Variants in ZNF540 observed in about 807,000 individuals in gnomAD.
ZNF540 encodes zinc finger protein 540, also known as CTD-3064H18.6.
A neutral mutation model predicts 11.8 loss-of-function variants in ZNF540; 3 were observed. That is an observed-to-expected ratio of 0.25 (90% CI 0.12 to 0.65). The LOEUF is 0.65. ZNF540 is among the 30% of genes least tolerant of loss of function. The pLI is 0.83. For missense variants in ZNF540, 709 were observed against 793.1 expected, an observed-to-expected ratio of 0.89 and a Z score of 1.27; for synonymous variants, 247 against 259.0, an observed-to-expected ratio of 0.95 and a Z score of 0.45.
At chr19:37,604,679 CTGTT>C (rs1448850193) in intron 4 of ZNF540, among the ~76,000 whole-genome samples, 1 of 152,058 alleles carries the variant, frequency 6.6e-6, no homozygotes, top group Admixed American at 6.5e-5. Flanking sequence ...TTAATTGTAT[CTGTT>C]TAATTATTTT....
chr19:37,555,927 GC>G (rs1568334107), intron 1 of ZNF540: 2 of 700,824 alleles, frequency 2.9e-6, no homozygotes, highest in Non-Finnish European at 5.2e-6. Context: ...AGAGTAGGTG[GC>G]TAAAGTTACA....
Position 37,613,418 on chromosome 19 carries a change from A to G in ZNF540, c.*155A>G. The G allele has an allele frequency of 3.8e-6, 2 of 529,060 alleles. No homozygotes were observed. The highest frequency in any genetic ancestry group is 5.7e-5 in the South Asian group (1 of 17,410). The allele number at this position is 529,060 out of a possible 1,614,324, so 32.8% of individuals were successfully genotyped here. A position where few individuals can be genotyped will look rare whatever the true frequency, so the allele number is the denominator to read the frequency against. On this transcript the variant is annotated 3_prime_UTR_variant, in exon 5 of 5. Coordinates refer to ENST00000316433, the MANE Select transcript of ZNF540 (RefSeq NM_001172225.3). The stretch of plus-strand genomic sequence containing the variant: ...CTTAGTTCTCATTAAATTTAGGAAA[A>G]TTCACACTAGAAAATAAAGCTGTTA...
intron 1 of ZNF540, among the ~76,000 whole-genome samples, chr19:37,575,220 A>G (rs2043203016): frequency 6.6e-6 from 1 of 152,188 alleles, no homozygotes. Context: ...TTATGGATGC[A>G]TTATGTGCTT....
chr19:37,608,216 G>A (rs1411875641), intron 4 of ZNF540, among the ~76,000 whole-genome samples: 1 of 152,014 alleles, frequency 6.6e-6, no homozygotes, highest in Non-Finnish European at 1.5e-5. Flanking sequence ...TTGGATATCT[G>A]TTCTGTTTCC....
intron 1 of ZNF540, among the ~76,000 whole-genome samples, chr19:37,588,164 A>C (rs2147207851): frequency 6.6e-6 from 1 of 151,540 alleles, no homozygotes; most frequent in Non-Finnish European, 1.5e-5. Flanking sequence ...AAAATGATAT[A>C]AAGATGTTAA....
intron 1 of ZNF540, among the ~76,000 whole-genome samples, chr19:37,553,737 G>C (rs909007605): frequency 2.0e-5 from 3 of 149,658 alleles, no homozygotes; most frequent in African/African-American, 7.4e-5. Context: ...TATTTGCTGG[G>C]ATCTCACACA....
chr19:37,612,665 CT>C lies in ZNF540; in HGVS notation c.1386del (p.Gly463ValfsTer2), dbSNP rs2044141449. 1 of 1,614,114 alleles carries C rather than the reference CT, an allele frequency of 6.2e-7. No individual in the cohort carries two copies. The highest frequency in any genetic ancestry group is 1.3e-5 in the African/African-American group (1 of 75,034). ...CTTACTGAACATCAGAGACTTCATA[CT>C]GGTGTGAAGCCCTACGAATGTAAGG... ...SVLTEHQRLH[T>X]GVKPYECKEC... On this transcript the variant is annotated frameshift_variant, in exon 5 of 5. Transcript: ENST00000316433. LOFTEE classifies it low-confidence loss of function (END_TRUNC).
chr19:37,601,069 G>C lies in ZNF540; in HGVS notation c.196G>C (p.Val66Leu), dbSNP rs147136103. Residue 66 changes from valine to leucine, a missense_variant, in exon 4 of 5, where the codon GTG becomes CTG. Physicochemically the swap from Val to Leu is conservative, Grantham distance 32 (BLOSUM62 1). Coordinates refer to ENST00000316433, the MANE Select transcript of ZNF540 (RefSeq NM_001172225.3). ...TLLEQGKEPC[V>L]VARDVTGRQC... ...ACTGGAGCAAGGGAAAGAGCCCTGC[G>C]TGGTGGCGAGGGATGTGACAGGAAG... 5.0e-6 allele frequency: 8 copies of C among 1,588,950 alleles called. No individual in the cohort carries two copies. Among genetic ancestry groups the C allele is most frequent in the Non-Finnish European group, 6.9e-6 (8 of 1,167,580 alleles).
intron 1 of ZNF540, chr19:37,586,673 G>T (rs753184061): frequency 6.2e-7 from 1 of 1,614,098 alleles, no homozygotes; most frequent in Admixed American, 1.7e-5. Context: ...CTCACGTGGG[G>T]CATGGTTTTT....
chr19:37,560,913 G>T (rs1568335889), intron 1 of ZNF540: 1 of 151,798 alleles, frequency 6.6e-6, no homozygotes, highest in African/African-American at 2.4e-5. Context: ...AAACAATCTT[G>T]TAACAACAGA....
upstream of ZNF540, among the ~76,000 whole-genome samples, chr19:37,593,284 TAC>T (rs1291447261): frequency 6.6e-6 from 1 of 152,234 alleles, no homozygotes; most frequent in Non-Finnish European, 1.5e-5. Flanking sequence ...TGTTTTTAAT[TAC>T]AGCTAGGTGT....
intron 4 of ZNF540, among the ~76,000 whole-genome samples, chr19:37,609,410 G>A (rs1276563870): frequency 1.3e-5 from 2 of 151,862 alleles, no homozygotes; most frequent in Non-Finnish European, 2.9e-5. Context: ...CAGGCGTGGT[G>A]GTGGGTGCCT....
At chr19:37,565,598 T>C in intron 1 of ZNF540, 2 of 1,613,446 alleles carry the variant, frequency 1.2e-6, no homozygotes, top group Non-Finnish European at 8.5e-7. Flanking sequence ...TTCATAGGGT[T>C]TTTCACCACT....
intron 1 of ZNF540, chr19:37,565,981 G>C (rs772411615): frequency 4.3e-6 from 7 of 1,613,772 alleles, no homozygotes; most frequent in Middle Eastern, 3.3e-4. Flanking sequence ...ATGACAGGTA[G>C]CTGAAACCTT....
At chr19:37,590,027 A>G (rs140106325), upstream of ZNF540, among the ~76,000 whole-genome samples, 4 of 152,034 alleles carry the variant, frequency 2.6e-5, no homozygotes, top group African/African-American at 9.7e-5. Flanking sequence ...TTTCCATTAA[A>G]AGAGACTAAA....
Position 37,569,156 on chromosome 19 carries a change from T to C in ZNF540, c.-73+17491T>C, listed in dbSNP as rs185088639. Reference sequence around the variant, plus strand: ...TTAGTAGAGATAGGCCTTCACCATATTGGTCAGGCTGGTCTCAAATTCCTG... The same window carrying C: ...TTAGTAGAGATAGGCCTTCACCATACTGGTCAGGCTGGTCTCAAATTCCTG... On this transcript the variant is annotated intron_variant, in intron 1 of 4. Coordinates refer to the ZNF540 transcript ENST00000592533. The surrounding 1 kb of genome is among the most constrained non-coding windows in gnomAD (Gnocchi z 4.4). Among the ~76,000 whole-genome samples, 11 of 152,188 alleles carry C rather than the reference T, an allele frequency of 7.2e-5. No homozygotes were observed. The highest frequency in any genetic ancestry group is 1.5e-5 in the Non-Finnish European group (1 of 68,006).
chr19:37,607,295 T>C (rs1170367167), intron 4 of ZNF540, among the ~76,000 whole-genome samples: 3 of 143,100 alleles, frequency 2.1e-5, no homozygotes, highest in East Asian at 2.3e-4. Flanking sequence ...TTTGTTACAG[T>C]TGATAAACCT....
At chr19:37,604,272 A>G (rs1011862477) in intron 4 of ZNF540, among the ~76,000 whole-genome samples, 1 of 129,230 alleles carries the variant, frequency 7.7e-6, no homozygotes, top group African/African-American at 3.0e-5. Flanking sequence ...AGAGCATTAC[A>G]TAGAGCTTTG....
At chr19:37,577,236 T>G (rs1317045366) in intron 1 of ZNF540, among the ~76,000 whole-genome samples, 1 of 152,028 alleles carries the variant, frequency 6.6e-6, no homozygotes, top group Non-Finnish European at 1.5e-5. Flanking sequence ...ATATCCAAAT[T>G]TATAATTAAC....
Sources: allele counts gnomAD v4.1 joint callset (sites outside exome capture counted in the v4.1 genomes callset), GRCh38; gene constraint gnomAD v4.1.1; non-coding constraint Gnocchi (gnomAD v3.1); transcripts MANE v1.5; gene names NCBI Gene and HGNC (gene_info 2026-07-23, HGNC 2026-07-21).